The following XKR4 variants were observed in gnomAD, a reference collection of about 807,000 sequenced individuals.
XKR4 encodes the protein XK related 4.
Under a neutral mutation model 53.9 loss-of-function variants are expected in XKR4, and 12 were observed. The ratio of observed to expected loss-of-function variants is 0.22; its 90% CI spans 0.14 to 0.36. The LOEUF is 0.36. Ranked by LOEUF, XKR4 falls within the 10% of genes least tolerant of loss-of-function variation. The probability of loss-of-function intolerance (pLI) is 1.00; values close to 1 mark genes in which losing one functional copy is unlikely to be tolerated. For synonymous variants in XKR4, 354 were observed against 362.4 expected (o/e 0.98, Z 0.26); for missense variants, 799 against 859.5 (o/e 0.93, Z 0.88).
At chr8:55,345,273 G>A (rs1322168631) in intron 1 of XKR4, among the ~76,000 whole-genome samples, 1 of 151,218 alleles carries the variant, frequency 6.6e-6, no homozygotes, top group Non-Finnish European at 1.5e-5. Flanking sequence ...CAGCCTGGGT[G>A]ACAGAGTGAG....
At chr8:55,119,552 T>G (rs1463906731) in intron 1 of XKR4, among the ~76,000 whole-genome samples, 1 of 151,988 alleles carries the variant, frequency 6.6e-6, no homozygotes, top group East Asian at 1.9e-4. Flanking sequence ...ACTTGGGCGC[T>G]CTCTTAAGGA....
chr8:55,305,058 C>A (rs1819274209), intron 1 of XKR4, among the ~76,000 whole-genome samples: 1 of 152,038 alleles, frequency 6.6e-6, no homozygotes, highest in African/African-American at 2.4e-5. Context: ...GAGAGAGAGG[C>A]ACCCAGATTG....
At chr8:55,240,520 C>A (rs566133432) in intron 1 of XKR4, among the ~76,000 whole-genome samples, 2 of 152,104 alleles carry the variant, frequency 1.3e-5, no homozygotes, top group Non-Finnish European at 2.9e-5. Context: ...CCAGAGAGAA[C>A]ATGATCAAGT....
At chr8:55,476,801 C>G (rs1244454274) in intron 2 of XKR4, among the ~76,000 whole-genome samples, 2 of 152,076 alleles carry the variant, frequency 1.3e-5, no homozygotes, top group African/African-American at 2.4e-5. Flanking sequence ...ATTGCTAGCA[C>G]AGCAGTCTGA....
At chr8:55,493,115 A>G (rs945191490) in intron 2 of XKR4, among the ~76,000 whole-genome samples, 8 of 152,360 alleles carry the variant, frequency 5.3e-5, no homozygotes, top group South Asian at 4.1e-4. Context: ...TCAGAAAAAT[A>G]CAAACTTCTC....
At chr8:55,172,210 CAAA>C (rs35747779) in intron 1 of XKR4, among the ~76,000 whole-genome samples, 2 of 137,330 alleles carry the variant, frequency 1.5e-5, no homozygotes, top group Non-Finnish European at 3.2e-5. Context: ...GACTCTCTCT[CAAA>C]AAAAAAAAAA....
At chr8:55,453,032 C>A in intron 2 of XKR4, 1 of 626,502 alleles carries the variant, frequency 1.6e-6, no homozygotes. Context: ...CTCTCATCCT[C>A]CTGGGAAGGT....
chr8:55,367,529 C>G (rs193299028), intron 2 of XKR4, among the ~76,000 whole-genome samples: 41 of 152,290 alleles, frequency 2.7e-4, no homozygotes, highest in Non-Finnish European at 5.7e-4. Context: ...GACAGACACA[C>G]TGAATGTGAG....
chr8:55,133,002 T>C (rs1378293284), intron 1 of XKR4, among the ~76,000 whole-genome samples: 1 of 152,180 alleles, frequency 6.6e-6, no homozygotes, highest in Non-Finnish European at 1.5e-5. Context: ...CAAGTGACTA[T>C]GTGACCAGGT....
intron 1 of XKR4, among the ~76,000 whole-genome samples, chr8:55,297,613 T>C (rs1455498992): frequency 1.3e-5 from 2 of 152,162 alleles, no homozygotes; most frequent in South Asian, 4.1e-4. Context: ...GTTATACAAA[T>C]AAAGAAAAGA....
At chr8:55,348,896 A>G (rs558803244) in intron 1 of XKR4, among the ~76,000 whole-genome samples, 2 of 152,332 alleles carry the variant, frequency 1.3e-5, no homozygotes, top group South Asian at 2.1e-4. Flanking sequence ...CTAGATAAAT[A>G]CAGATAGACA....
At chr8:55,201,753 G>A (rs886157437) in intron 1 of XKR4, among the ~76,000 whole-genome samples, 1 of 152,216 alleles carries the variant, frequency 6.6e-6, no homozygotes, top group Non-Finnish European at 1.5e-5. Flanking sequence ...GAAAGCCAAT[G>A]TTCTGATGGC....
At chr8:55,445,826 G>T (rs1316663944) in intron 2 of XKR4, among the ~76,000 whole-genome samples, 2 of 152,188 alleles carry the variant, frequency 1.3e-5, no homozygotes, top group Non-Finnish European at 2.9e-5. Context: ...TAGCAACAAG[G>T]TTATTTCAGG....
At chr8:55,123,696 C>T (rs1285743442) in intron 1 of XKR4, among the ~76,000 whole-genome samples, 3 of 152,192 alleles carry the variant, frequency 2.0e-5, no homozygotes, top group South Asian at 4.1e-4. Flanking sequence ...GAAGCAGCCT[C>T]GGACACGTGC....
At chr8:55,187,024 C>T (rs1817388404) in intron 1 of XKR4, among the ~76,000 whole-genome samples, 1 of 151,562 alleles carries the variant, frequency 6.6e-6, no homozygotes, top group Admixed American at 6.6e-5. Flanking sequence ...GGTTCCTAAT[C>T]CACAGAGAAT....
intron 2 of XKR4, among the ~76,000 whole-genome samples, chr8:55,406,736 C>T (rs1392638601): frequency 6.6e-6 from 1 of 152,198 alleles, no homozygotes; most frequent in African/African-American, 2.4e-5. Context: ...GTTATAAAGG[C>T]CAATGTCTTT....
intron 1 of XKR4, among the ~76,000 whole-genome samples, chr8:55,352,485 G>A (rs971056227): frequency 6.6e-6 from 1 of 152,202 alleles, no homozygotes; most frequent in East Asian, 1.9e-4. Flanking sequence ...AGGCAGTGGG[G>A]AGTCATTGAG....
intron 1 of XKR4, among the ~76,000 whole-genome samples, chr8:55,172,851 T>A (rs1192945466): frequency 6.6e-6 from 1 of 152,228 alleles, no homozygotes; most frequent in Non-Finnish European, 1.5e-5. Context: ...GTTTCATTTA[T>A]CTTGGGAATG....
rs774440595 is a variant in XKR4, at chr8:55,363,468, T to A, written c.1006+5591T>A. Among the ~76,000 whole-genome samples, 19 of 152,276 alleles carry A rather than the reference T, an allele frequency of 1.2e-4. 1 individual carries two copies. Among genetic ancestry groups the A allele is most frequent in the Admixed American group, 8.5e-4 (13 of 15,294 alleles). On this transcript the variant is annotated intron_variant, in intron 2 of 2. Transcript: ENST00000327381. Reference sequence around the variant, plus strand: ...TCAGAAGTAAAGTTGTCCTCAAATATCCGGCAAACACTGTTACCTGCTAAC... The same window carrying A: ...TCAGAAGTAAAGTTGTCCTCAAATAACCGGCAAACACTGTTACCTGCTAAC...
Sources: allele counts gnomAD v4.1 joint callset (sites outside exome capture counted in the v4.1 genomes callset), GRCh38; gene constraint gnomAD v4.1.1; transcripts MANE v1.5; gene names NCBI Gene and HGNC (gene_info 2026-07-23, HGNC 2026-07-21).